Variants in WDPCP observed in about 807,000 individuals in gnomAD.
WDPCP encodes the protein WD repeat containing planar cell polarity effector.
Under a neutral mutation model 93.1 loss-of-function variants are expected in WDPCP, and 71 were observed. The ratio of observed to expected loss-of-function variants is 0.76; its 90% CI spans 0.63 to 0.93. The LOEUF is 0.93. WDPCP is among the 40% of genes least tolerant of loss of function. The pLI is 0.00. For synonymous variants in WDPCP, 315 were observed against 315.0 expected, an observed-to-expected ratio of 1.00 and a Z score of 0.00; for missense variants, 844 against 887.4, an observed-to-expected ratio of 0.95 and a Z score of 0.62.
intron 15 of WDPCP, among the ~76,000 whole-genome samples, chr2:63,168,273 AT>A (rs201448633): frequency 0.018 from 2,663 of 149,534 alleles, 65 homozygotes; most frequent in African/African-American, 0.047. Context: ...ATTTGCATTA[AT>A]TTTTTTTTTA....
intron 13 of WDPCP, among the ~76,000 whole-genome samples, chr2:63,305,910 T>C (rs1685696052): frequency 6.6e-6 from 1 of 152,134 alleles, no homozygotes; most frequent in Admixed American, 6.5e-5. Context: ...CAAAGCATAC[T>C]GAAGGAGATA....
intron 2 of WDPCP, among the ~76,000 whole-genome samples, chr2:63,692,450 C>T (rs1169753357): frequency 6.6e-6 from 1 of 152,166 alleles, no homozygotes. Flanking sequence ...TTACTGTCAA[C>T]TTCTACATCA....
chr2:63,684,498 G>T, intron 2 of WDPCP: 1 of 750,918 alleles, frequency 1.3e-6, no homozygotes, highest in South Asian at 1.3e-5. Context: ...ATCGCCAAGA[G>T]GTCAAAGATC....
At chr2:63,390,562 A>G (rs541910091) in intron 10 of WDPCP, among the ~76,000 whole-genome samples, 21 of 152,342 alleles carry the variant, frequency 1.4e-4, no homozygotes, top group African/African-American at 4.6e-4. Flanking sequence ...AGCAGAACTG[A>G]AAGAGATAGA....
intron 1 of WDPCP, among the ~76,000 whole-genome samples, chr2:63,560,010 C>T (rs147897933): frequency 3.9e-4 from 59 of 149,524 alleles, no homozygotes; most frequent in Middle Eastern, 3.4e-3. Flanking sequence ...ACAGGTGGAT[C>T]ACCTGAGGTC....
chr2:63,368,048 A>G (rs533595268), intron 12 of WDPCP, among the ~76,000 whole-genome samples: 45 of 152,300 alleles, frequency 3.0e-4, no homozygotes, highest in African/African-American at 1.0e-3. Flanking sequence ...AAACTCAAAT[A>G]CCTTTTTCAA....
intron 1 of WDPCP, among the ~76,000 whole-genome samples, chr2:63,526,322 T>C (rs1440342673): frequency 6.6e-6 from 1 of 152,232 alleles, no homozygotes; most frequent in Non-Finnish European, 1.5e-5. Context: ...TGGCACTATT[T>C]CGTGTTGTCC....
chr2:63,411,800 A>G (rs969644806), intron 9 of WDPCP, among the ~76,000 whole-genome samples: 1 of 152,190 alleles, frequency 6.6e-6, no homozygotes, highest in Non-Finnish European at 1.5e-5. Flanking sequence ...AAATTCCTGG[A>G]AAAATACAAC....
intron 13 of WDPCP, among the ~76,000 whole-genome samples, chr2:63,284,148 A>T (rs1332515021): frequency 6.6e-6 from 1 of 152,212 alleles, no homozygotes; most frequent in Non-Finnish European, 1.5e-5. Context: ...TATTATATAT[A>T]AAAGTGAAAT....
intron 14 of WDPCP, among the ~76,000 whole-genome samples, chr2:63,246,793 A>G (rs1477100937): frequency 1.3e-5 from 2 of 152,230 alleles, no homozygotes; most frequent in Middle Eastern, 3.2e-3. Context: ...TTCAGAGTCC[A>G]TCAGTAAGCT....
chr2:63,784,572 G>A (rs1040044116), intron 2 of WDPCP, among the ~76,000 whole-genome samples: 3 of 76,466 alleles, frequency 3.9e-5, no homozygotes, highest in Admixed American at 1.7e-4. Context: ...TCTAGCTGGA[G>A]TGTGTGTGTG....
At chr2:63,332,011 T>A (rs1688007577) in intron 12 of WDPCP, among the ~76,000 whole-genome samples, 1 of 151,938 alleles carries the variant, frequency 6.6e-6, no homozygotes, top group African/African-American at 2.4e-5. Flanking sequence ...CTGTTATGAA[T>A]AATGGTGCTT....
chr2:63,670,314 G>A (rs1474043161), intron 2 of WDPCP, among the ~76,000 whole-genome samples: 1 of 152,122 alleles, frequency 6.6e-6, no homozygotes, highest in Non-Finnish European at 1.5e-5. Flanking sequence ...GTATACTTTG[G>A]CTCTGGCTAC....
intron 17 of WDPCP, among the ~76,000 whole-genome samples, chr2:63,145,479 G>A (rs1671429249): frequency 1.3e-5 from 2 of 152,104 alleles, no homozygotes; most frequent in South Asian, 4.1e-4. Flanking sequence ...CTGGAGTTGG[G>A]TACCTAAGAG....
In WDPCP at chr2:63,363,886, C is replaced by T. The variant is rs141601303; in HGVS notation, c.1748+14500G>A. ...ATTTTTACATTAACCAAGATAATAC[C>T]CAATTTTTGCCAGGCACAGTGTCCT... On this transcript the variant is annotated intron_variant, in intron 12 of 17. Transcript: ENST00000272321. 2.6e-5 allele frequency among the ~76,000 whole-genome samples: 4 copies of T among 151,886 alleles called. No individual in the cohort carries two copies. In the East Asian group the frequency reaches 5.8e-4, roughly 22 times the overall value.
At chr2:63,139,440 G>T (rs1670899018) in intron 17 of WDPCP, among the ~76,000 whole-genome samples, 1 of 152,166 alleles carries the variant, frequency 6.6e-6, no homozygotes, top group Admixed American at 6.5e-5. Context: ...ATTCCCACCA[G>T]CAGTGTAGAA....
chr2:63,796,430 C>A (rs571513125), intron 2 of WDPCP, among the ~76,000 whole-genome samples: 10 of 152,328 alleles, frequency 6.6e-5, no homozygotes, highest in African/African-American at 2.4e-4. Context: ...CAGTACCTGG[C>A]TTTAACTTCA....
chr2:63,215,956 A>G (rs921285587), intron 14 of WDPCP, among the ~76,000 whole-genome samples: 1 of 152,264 alleles, frequency 6.6e-6, no homozygotes, highest in Non-Finnish European at 1.5e-5. Flanking sequence ...ACATGAAAAA[A>G]TGCTCGTCAT....
chr2:63,745,735 CTA>C (rs1191940913), intron 2 of WDPCP, among the ~76,000 whole-genome samples: 1 of 152,068 alleles, frequency 6.6e-6, no homozygotes, highest in East Asian at 1.9e-4. Context: ...CTATTATCAA[CTA>C]TGTTTCCATG....
Sources: allele counts gnomAD v4.1 joint callset (sites outside exome capture counted in the v4.1 genomes callset), GRCh38; gene constraint gnomAD v4.1.1; transcripts MANE v1.5; gene names NCBI Gene and HGNC (gene_info 2026-07-23, HGNC 2026-07-21).